The following ABCA13 variants were observed in gnomAD, a reference collection of about 807,000 sequenced individuals.
The protein encoded by ABCA13 is ATP binding cassette subfamily A member 13.
ABCA13 carries 476 observed loss-of-function variants against 478.7 expected under a neutral mutation model. The ratio of observed to expected loss-of-function variants is 0.99; its 90% CI spans 0.92 to 1.07. The LOEUF is 1.07. ABCA13 is among the 50% of genes least tolerant of loss of function. ABCA13 has a pLI of 0.00. For synonymous variants in ABCA13, 2,252 were observed against 2,158.9 expected, an observed-to-expected ratio of 1.04 and a Z score of -1.20; for missense variants, 6,060 against 5,910.6, an observed-to-expected ratio of 1.03 and a Z score of -0.83.
chr7:48,543,389 C>T (rs1184180791), intron 55 of ABCA13, among the ~76,000 whole-genome samples: 4 of 151,654 alleles, frequency 2.6e-5, no homozygotes, highest in African/African-American at 7.2e-5. Flanking sequence ...TTTGGGAGGC[C>T]GAGGCAGGCA....
In ABCA13 at chr7:48,357,287, T is replaced by C. The variant is rs538405202; in HGVS notation, c.10688+4800T>C. ...GGTAACTTTATTAAACACCTCTCTC[T>C]TCCATTTAGTCAATAGTCATTGTTC... On this transcript the variant is annotated intron_variant, in intron 31 of 61. Coordinates refer to ENST00000435803, the MANE Select transcript of ABCA13 (RefSeq NM_152701.5). Among the ~76,000 whole-genome samples the C allele has an allele frequency of 3.4e-4, 51 of 152,124 alleles. 2 individuals carry two copies. The South Asian group carries it at 0.011, about 32-fold the overall frequency.
At chr7:48,202,059 C>T (rs1207347963) in intron 3 of ABCA13, among the ~76,000 whole-genome samples, 1 of 152,162 alleles carries the variant, frequency 6.6e-6, no homozygotes, top group East Asian at 1.9e-4. Context: ...AGCCGCAGAC[C>T]TTTGCGGTGA....
intron 59 of ABCA13, among the ~76,000 whole-genome samples, chr7:48,618,458 T>C (rs180864716): frequency 6.6e-6 from 1 of 152,080 alleles, no homozygotes; most frequent in Non-Finnish European, 1.5e-5. Context: ...AATAGAAAAA[T>C]TGAAGTACAA....
chr7:48,417,635 A>G (rs755520687), intron 41 of ABCA13, among the ~76,000 whole-genome samples: 24 of 152,126 alleles, frequency 1.6e-4, no homozygotes, highest in East Asian at 1.9e-4. Context: ...TCCACTATCA[A>G]CATCCCTGCA....
In ABCA13 at chr7:48,446,243, T is replaced by C. The variant is rs553914109; in HGVS notation, c.12566-8794T>C. On this transcript the variant is annotated intron_variant, in intron 42 of 61. Coordinates refer to ENST00000435803, the MANE Select transcript of ABCA13 (RefSeq NM_152701.5). ...AGCACCCCAAGTTCCTTGATTTAGA[T>C]GGTCTGTGGCCACTACTATGAGAAA... Among the ~76,000 whole-genome samples the C allele has an allele frequency of 1.4e-4, 22 of 152,302 alleles. No homozygotes were observed. The South Asian group carries it at 4.2e-3, about 29-fold the overall frequency.
At chr7:48,326,808 A>G (rs1454343109) in intron 27 of ABCA13, among the ~76,000 whole-genome samples, 1 of 152,202 alleles carries the variant, frequency 6.6e-6, no homozygotes, top group African/African-American at 2.4e-5. Context: ...GGAGATGTGG[A>G]GTCCCAGTGA....
intron 48 of ABCA13, among the ~76,000 whole-genome samples, chr7:48,495,050 C>CA (rs1280355113): frequency 6.6e-6 from 1 of 152,058 alleles, no homozygotes; most frequent in Non-Finnish European, 1.5e-5. Flanking sequence ...GAACACAAAA[C>CA]AAAACAACAA....
chr7:48,302,397 G>C (rs775078868), intron 23 of ABCA13, among the ~76,000 whole-genome samples: 2 of 151,986 alleles, frequency 1.3e-5, no homozygotes, highest in Non-Finnish European at 1.5e-5. Flanking sequence ...TGTTATATAG[G>C]TAAACTCGTG....
At chr7:48,221,462 G>C (rs1734836055) in intron 5 of ABCA13, among the ~76,000 whole-genome samples, 153 bp downstream of exon 5, 1 of 152,216 alleles carries the variant, frequency 6.6e-6, no homozygotes, top group African/African-American at 2.4e-5. Flanking sequence ...CAAGGTCTTT[G>C]TAGATACGGG....
intron 8 of ABCA13, among the ~76,000 whole-genome samples, chr7:48,239,015 A>T (rs1262997797): frequency 6.6e-6 from 1 of 152,200 alleles, no homozygotes; most frequent in Non-Finnish European, 1.5e-5. Flanking sequence ...CTTGGCCTGG[A>T]GAAACAGCTG....
intron 35 of ABCA13, 136 bp downstream of exon 35, chr7:48,376,708 G>A (rs1031106728): frequency 2.8e-6 from 3 of 1,064,708 alleles, no homozygotes; most frequent in Non-Finnish European, 3.9e-6. Flanking sequence ...ATATTTAAAA[G>A]GAGCTGTACA....
At chr7:48,396,589 A>C (rs1342745713) in intron 38 of ABCA13, among the ~76,000 whole-genome samples, 2 of 152,186 alleles carry the variant, frequency 1.3e-5, no homozygotes, top group Non-Finnish European at 2.9e-5. Flanking sequence ...GTCTCTGCAA[A>C]GACAAAACCC....
At chr7:48,359,503 G>A (rs1256186374) in intron 31 of ABCA13, among the ~76,000 whole-genome samples, 1 of 151,860 alleles carries the variant, frequency 6.6e-6, no homozygotes, top group Non-Finnish European at 1.5e-5. Flanking sequence ...GGAGGATAAA[G>A]GGAGAGAGAG....
rs1286610553 is a variant in ABCA13 at position 48,418,306 on chromosome 7, A to G, written c.12459+5723A>G. On this transcript the variant is annotated intron_variant, in intron 41 of 61. Transcript: ENST00000435803. Reference sequence around the variant, plus strand: ...GCACCATTTTGTGTTTCCACCAGCAATGAATGGGAGTTTCTGTTGTTCCAT... The same window carrying G: ...GCACCATTTTGTGTTTCCACCAGCAGTGAATGGGAGTTTCTGTTGTTCCAT... Among the ~76,000 whole-genome samples, 4 of 152,350 alleles carry G rather than the reference A, an allele frequency of 2.6e-5. No individual in the cohort carries two copies. In the South Asian group the frequency reaches 6.2e-4, roughly 24 times the overall value.
At position 48,376,457 on chromosome 7, in the gene ABCA13, T is replaced by C. The variant is rs1292045480; in HGVS notation, c.11220T>C (p.Asn3740=). 1 of 1,613,704 alleles carries C rather than the reference T, an allele frequency of 6.2e-7. No individual in the cohort carries two copies. The highest frequency in any genetic ancestry group is 2.2e-5 in the East Asian group (1 of 44,848). The change falls in exon 35 of 62, where the codon AAT becomes AAC. Residue 3740 remains asparagine, a synonymous_variant. Coordinates refer to ENST00000435803, the MANE Select transcript of ABCA13 (RefSeq NM_152701.5). ...EGQETGIQWN[N]MYQALEQGGM... is the part of the protein sequence containing the mutation. ...TCCTGCTAGGGATTCAATGGAATAA[T>C]ATGTACCAGGCTCTGGAACAAGGGG...
intron 32 of ABCA13, among the ~76,000 whole-genome samples, chr7:48,368,258 C>G (rs1811998482): frequency 6.6e-6 from 1 of 151,960 alleles, no homozygotes; most frequent in Non-Finnish European, 1.5e-5. Flanking sequence ...ATGTAGAGAC[C>G]CTGCTATTTT....
At chr7:48,262,692 A>G (rs1794358577) in intron 15 of ABCA13, among the ~76,000 whole-genome samples, 1 of 151,894 alleles carries the variant, frequency 6.6e-6, no homozygotes, top group African/African-American at 2.4e-5. Flanking sequence ...GGGAAGTCCT[A>G]AGAAAGTCCA....
chr7:48,452,530 T>TC (rs1421366737), intron 42 of ABCA13, among the ~76,000 whole-genome samples: 3 of 152,210 alleles, frequency 2.0e-5, no homozygotes, highest in Non-Finnish European at 4.4e-5. Context: ...ACTTGTTTAG[T>TC]CATGTCAGTT....
intron 42 of ABCA13, among the ~76,000 whole-genome samples, chr7:48,444,818 C>G (rs564012867): frequency 6.6e-6 from 1 of 152,252 alleles, no homozygotes; most frequent in East Asian, 1.9e-4. Context: ...TGATTTTAAC[C>G]CAGAAAACTT....
Sources: allele counts gnomAD v4.1 joint callset (sites outside exome capture counted in the v4.1 genomes callset), GRCh38; gene constraint gnomAD v4.1.1; transcripts MANE v1.5; gene names NCBI Gene and HGNC (gene_info 2026-07-23, HGNC 2026-07-21).